The following GLDN variants were observed in gnomAD, a reference collection of about 807,000 sequenced individuals.
GLDN encodes gliomedin, also known as collomin.
Under a neutral mutation model 56.5 loss-of-function variants are expected in GLDN, and 47 were observed. That is an observed-to-expected ratio of 0.83 (90% confidence interval 0.66 to 1.06). The LOEUF (loss-of-function observed/expected upper bound fraction) is 1.06. GLDN is among the 50% of genes least tolerant of loss of function. GLDN has a pLI of 0.00. For missense variants in GLDN, 782 were observed against 714.3 expected (o/e 1.09, Z -1.08); for synonymous variants, 332 against 278.8 (o/e 1.19, Z -1.90).
downstream of GLDN, among the ~76,000 whole-genome samples, chr15:51,408,359 A>G (rs1329970106): frequency 1.3e-5 from 2 of 152,250 alleles, no homozygotes; most frequent in African/African-American, 4.8e-5. Context: ...AATTTGGGCA[A>G]GTCTCTTAAT....
chr15:51,400,562 C>CT, intron 8 of GLDN, 64 bp downstream of exon 8: 1 of 1,534,718 alleles, frequency 6.5e-7, no homozygotes, highest in Non-Finnish European at 8.9e-7. Context: ...TGTTGCCTAC[C>CT]TTTGGGCGTA....
At position 51,399,998 on chromosome 15, in the gene GLDN, C is replaced by T. The variant is rs751980074; in HGVS notation, c.818-194C>T. ...AAAAGCTTCCTGGGAACTCAACAAGCAGGGCGAAGAATTTGGAAGGCTATG... is the reference window on the plus strand; with the variant it reads ...AAAAGCTTCCTGGGAACTCAACAAGTAGGGCGAAGAATTTGGAAGGCTATG... On this transcript the variant is annotated intron_variant, in intron 6 of 9. Transcript: ENST00000335449. Among the ~76,000 whole-genome samples the T allele has an allele frequency of 3.4e-4, 52 of 152,142 alleles. 1 individual carries two copies. Among genetic ancestry groups the T allele is most frequent in the Admixed American group, 2.8e-3 (43 of 15,286 alleles).
Position 51,341,709 on chromosome 15 carries a change from C to G in GLDN, c.25C>G (p.Arg9Gly), listed in dbSNP as rs2036883937. 1.5e-5 allele frequency: 22 copies of G among 1,428,534 alleles called. No individual in the cohort carries two copies. The highest frequency in any genetic ancestry group is 2.0e-5 in the Non-Finnish European group (22 of 1,106,014). The allele number at this position is 1,428,534 out of a possible 1,614,324, so 88.5% of individuals were successfully genotyped here. A position where few individuals can be genotyped will look rare whatever the true frequency, so the allele number is the denominator to read the frequency against. ...CATGGCCCGAGGCGCTGAGGGAGGC[C>G]GTGGGGACGCGGGTTGGGGCCTGCG... MARGAEGG[R>G]GDAGWGLRGA... The change falls in exon 1 of 10, where the codon CGT (arginine) becomes GGT (glycine). Residue 9 changes from arginine (R) to glycine (G), a missense_variant. Coordinates refer to ENST00000335449, the MANE Select transcript of GLDN (RefSeq NM_181789.4).
At chr15:51,367,973 G>A (rs1248494138) in intron 1 of GLDN, among the ~76,000 whole-genome samples, 1 of 152,152 alleles carries the variant, frequency 6.6e-6, no homozygotes, top group Non-Finnish European at 1.5e-5. Context: ...GCATCTCCAA[G>A]GTCCTGTTTT....
chr15:51,396,833 T>C (rs1029871641), intron 5 of GLDN, among the ~76,000 whole-genome samples: 10 of 152,232 alleles, frequency 6.6e-5, no homozygotes, highest in African/African-American at 2.4e-4. Context: ...GAACTGGGTT[T>C]AGTACATTTT....
intron 5 of GLDN, among the ~76,000 whole-genome samples, chr15:51,396,080 A>G (rs1423462161): frequency 6.6e-6 from 1 of 152,154 alleles, no homozygotes; most frequent in Non-Finnish European, 1.5e-5. Context: ...GGGGATTACA[A>G]TTCAACATGA....
intron 1 of GLDN, among the ~76,000 whole-genome samples, chr15:51,342,738 T>C (rs892796644): frequency 5.3e-5 from 8 of 152,170 alleles, no homozygotes; most frequent in African/African-American, 1.7e-4. Flanking sequence ...GACCTGCGGA[T>C]TGGTCTCCCC....
intron 1 of GLDN, among the ~76,000 whole-genome samples, chr15:51,374,615 G>T (rs1360541265): frequency 6.6e-6 from 1 of 152,124 alleles, no homozygotes; most frequent in African/African-American, 2.4e-5. Context: ...AGCTATTGGG[G>T]GTGAGGGGAC....
intron 2 of GLDN, among the ~76,000 whole-genome samples, chr15:51,379,716 T>C (rs1424669858): frequency 6.6e-6 from 1 of 152,184 alleles, no homozygotes; most frequent in Non-Finnish European, 1.5e-5. Flanking sequence ...TCAGCTCTTA[T>C]CAAGCATCCA....
rs763918842 is a variant in GLDN, at chr15:51,341,708, C to T, written c.24C>T (p.Gly8=). 1.4e-6 allele frequency: 2 copies of T among 1,428,964 alleles called. No homozygotes were observed. Among genetic ancestry groups the T allele is most frequent in the East Asian group, 2.9e-5 (1 of 34,968 alleles). 88.5% of individuals were successfully genotyped at this position (1,428,964 alleles called of 1,614,324 possible). The change falls in exon 1 of 10, where the codon GGC becomes GGT. Residue 8 remains glycine (G), a synonymous_variant. Coordinates refer to ENST00000335449, the MANE Select transcript of GLDN (RefSeq NM_181789.4). MARGAEG[G]RGDAGWGLRG... The stretch of plus-strand genomic sequence containing the variant: ...GCATGGCCCGAGGCGCTGAGGGAGG[C>T]CGTGGGGACGCGGGTTGGGGCCTGC...
intron 1 of GLDN, among the ~76,000 whole-genome samples, chr15:51,346,788 G>A (rs116074232): frequency 0.047 from 7,164 of 152,206 alleles, 565 homozygotes; most frequent in African/African-American, 0.16. Context: ...CTAGGAGGCC[G>A]GGTGTGGTCG....
chr15:51,388,917 G>T (rs2037958001), intron 4 of GLDN, among the ~76,000 whole-genome samples: 1 of 152,200 alleles, frequency 6.6e-6, no homozygotes, highest in South Asian at 2.1e-4. Flanking sequence ...TTCCTGGGAG[G>T]GCTGGGAGGG....
chr15:51,370,203 G>C (rs148821889), intron 1 of GLDN, among the ~76,000 whole-genome samples: 7 of 152,254 alleles, frequency 4.6e-5, no homozygotes, highest in African/African-American at 9.6e-5. Flanking sequence ...GCTACTCCCT[G>C]CCTTCTTTGG....
chr15:51,355,983 G>T, intron 1 of GLDN, among the ~76,000 whole-genome samples: 1 of 149,204 alleles, frequency 6.7e-6, no homozygotes. Flanking sequence ...CAAGGCGGGC[G>T]GATCACGAGG....
chr15:51,361,740 A>G (rs1423472912), intron 1 of GLDN, among the ~76,000 whole-genome samples: 2 of 152,316 alleles, frequency 1.3e-5, no homozygotes, highest in East Asian at 1.9e-4. Flanking sequence ...TAATTTATCT[A>G]TAGTGGTAGA....
At chr15:51,369,876 G>T (rs969908645) in intron 1 of GLDN, among the ~76,000 whole-genome samples, 1 of 152,170 alleles carries the variant, frequency 6.6e-6, no homozygotes, top group African/African-American at 2.4e-5. Context: ...AGCATTTTGG[G>T]AGGCCGACAC....
chr15:51,391,251 G>A (rs528908450), intron 4 of GLDN, among the ~76,000 whole-genome samples: 1 of 152,142 alleles, frequency 6.6e-6, no homozygotes, highest in African/African-American at 2.4e-5. Flanking sequence ...TACAACAGCT[G>A]CCAGGCAGCA....
intron 2 of GLDN, among the ~76,000 whole-genome samples, chr15:51,382,189 C>A (rs2037777738): frequency 6.6e-6 from 1 of 152,178 alleles, no homozygotes; most frequent in Admixed American, 6.6e-5. Flanking sequence ...CCAGGATCAT[C>A]TTCTTGAGAT....
At chr15:51,390,713 C>A (rs908331468) in intron 4 of GLDN, among the ~76,000 whole-genome samples, 2 of 152,094 alleles carry the variant, frequency 1.3e-5, no homozygotes, top group Admixed American at 6.5e-5. Flanking sequence ...ACCTCAACCC[C>A]GAGATATCAC....
Sources: allele counts gnomAD v4.1 joint callset (sites outside exome capture counted in the v4.1 genomes callset), GRCh38; gene constraint gnomAD v4.1.1; transcripts MANE v1.5; gene names NCBI Gene and HGNC (gene_info 2026-07-23, HGNC 2026-07-21).